RPE: variants seen among roughly 807,000 people sequenced by gnomAD.
RPE encodes the protein ribulose-5-phosphate-3-epimerase.
In RPE, 16 loss-of-function variants were observed where a neutral mutation model predicts 24.6. That is an observed-to-expected ratio of 0.65 (90% CI 0.44 to 0.99). The LOEUF is 0.99. RPE is among the 50% of genes least tolerant of loss of function. RPE has a pLI of 0.00. For synonymous variants in RPE, 93 were observed against 98.4 expected, an observed-to-expected ratio of 0.94 and a Z score of 0.33; for missense variants, 240 against 294.5, an observed-to-expected ratio of 0.81 and a Z score of 1.35.
intron 1 of RPE, among the ~76,000 whole-genome samples, chr2:210,008,300 T>G (rs900217020): frequency 1.1e-3 from 172 of 150,152 alleles, no homozygotes; most frequent in East Asian, 5.6e-3. Flanking sequence ...TTGTTTTTTT[T>G]TTTTTTTTTT....
rs2093859131 is a variant in RPE, at chr2:210,021,730, A to G, written c.*1939A>G. The G allele has an allele frequency of 6.6e-6, 1 of 152,302 alleles. No homozygotes were observed. Among genetic ancestry groups the G allele is most frequent in the Non-Finnish European group, 1.5e-5 (1 of 67,966 alleles). The allele number at this position is 152,302 out of a possible 1,614,324, so 9.4% of individuals were successfully genotyped here. A position where few individuals can be genotyped will look rare whatever the true frequency, so the allele number is the denominator to read the frequency against. On this transcript the variant is annotated 3_prime_UTR_variant, in exon 6 of 6. Transcript: ENST00000359429. ...GTACAACTTGAGTAACCTTTTTTACATGACAAAAAGTGAGTTATATAAATT... is the reference window on the plus strand; with the variant it reads ...GTACAACTTGAGTAACCTTTTTTACGTGACAAAAAGTGAGTTATATAAATT...
In RPE at chr2:210,003,423, C is replaced by T. The variant is rs914398527; in HGVS notation, c.122+640C>T. The T allele has an allele frequency of 1.0e-5, 13 of 1,283,470 alleles. No homozygotes were observed. In the Admixed American group the frequency reaches 2.8e-4, roughly 27 times the overall value. 79.5% of individuals were successfully genotyped at this position (1,283,470 alleles called of 1,614,324 possible). A position where few individuals can be genotyped will look rare whatever the true frequency, so the allele number is the denominator to read the frequency against. On this transcript the variant is annotated intron_variant, in intron 1 of 5. Coordinates refer to ENST00000359429, the MANE Select transcript of RPE (RefSeq NM_199229.3). ...ATTATTACAATTCTGATTTTCCTGT[C>T]TATTTTCTCTTCAGGCACCCTGCTC...
intron 3 of RPE, 151 bp downstream of exon 3, chr2:210,016,263 GA>G: frequency 2.5e-6 from 4 of 1,613,908 alleles, no homozygotes; most frequent in Non-Finnish European, 3.4e-6. Context: ...TGCAGGTAAA[GA>G]ATACCTTACT....
Position 210,002,676 on chromosome 2 carries a change from C to T in RPE, c.15C>T (p.Cys5=), listed in dbSNP as rs373698391. MASG[C]KIGPSILNSD... is the part of the protein sequence containing the mutation. Reference sequence around the variant, plus strand: ...GAGCCAGCGGTATGGCGTCGGGCTGCAAGATTGGCCCGTCCATCCTCAACA... The same window carrying T: ...GAGCCAGCGGTATGGCGTCGGGCTGTAAGATTGGCCCGTCCATCCTCAACA... The change falls in exon 1 of 6, where the codon TGC becomes TGT. Residue 5 remains cysteine (C), a synonymous_variant. Transcript: ENST00000359429. The T allele has an allele frequency of 2.5e-6, 4 of 1,613,346 alleles. No homozygotes were observed. The highest frequency in any genetic ancestry group is 3.3e-5 in the Admixed American group (2 of 59,962).
chr2:210,004,591 T>A (rs186445606), intron 1 of RPE, among the ~76,000 whole-genome samples: 46 of 152,310 alleles, frequency 3.0e-4, no homozygotes, highest in Non-Finnish European at 4.7e-4. Context: ...AACTAATAAT[T>A]TGTGTATTTA....
chr2:210,012,952 GACAA>G (rs1402681995), intron 2 of RPE, among the ~76,000 whole-genome samples: 1 of 152,154 alleles, frequency 6.6e-6, no homozygotes, highest in East Asian at 1.9e-4. Context: ...CAAAATACAA[GACAA>G]ACAATGGGTT....
At chr2:210,013,202 TACAGA>T (rs1039648497) in intron 2 of RPE, among the ~76,000 whole-genome samples, 2 of 152,096 alleles carry the variant, frequency 1.3e-5, no homozygotes, top group African/African-American at 4.8e-5. Flanking sequence ...ACAGATTAGA[TACAGA>T]ACAGATGTGA....
chr2:210,015,014 G>A (rs1039191480), intron 2 of RPE, among the ~76,000 whole-genome samples: 1 of 152,134 alleles, frequency 6.6e-6, no homozygotes, highest in African/African-American at 2.4e-5. Context: ...TATGAATCAA[G>A]CTTTAGAATT....
intron 2 of RPE, among the ~76,000 whole-genome samples, chr2:210,015,147 C>T (rs1035111236): frequency 6.6e-5 from 10 of 152,120 alleles, no homozygotes; most frequent in African/African-American, 2.4e-4. Context: ...TCCTTGATGC[C>T]ATCTTTATTT....
Position 210,016,215 on chromosome 2 carries a change from C to T in RPE, c.342+103C>T, listed in dbSNP as rs1345295130. The stretch of plus-strand genomic sequence containing the variant: ...TTTTTTTGATACAGTCTTGCTCTGT[C>T]ACCCAGGCTGAAGTGCAGTGGCACA... On this transcript the variant is annotated intron_variant, in intron 3 of 5. Coordinates refer to ENST00000359429, the MANE Select transcript of RPE (RefSeq NM_199229.3). 6.2e-6 allele frequency: 10 copies of T among 1,613,810 alleles called. No homozygotes were observed. The South Asian group carries it at 8.8e-5, about 14-fold the overall frequency.
intron 2 of RPE, 90 bp from the exon 3 acceptor site, chr2:210,015,883 C>G: frequency 2.2e-6 from 3 of 1,382,390 alleles, no homozygotes; most frequent in Non-Finnish European, 3.0e-6. Flanking sequence ...GAGTTCTTAT[C>G]AGAAGTGGCA....
intron 2 of RPE, among the ~76,000 whole-genome samples, chr2:210,013,894 A>G (rs910645564): frequency 2.6e-5 from 4 of 152,142 alleles, no homozygotes; most frequent in South Asian, 2.1e-4. Context: ...ATAGATTATG[A>G]TTATAATAGA....
At chr2:210,015,585 T>C (rs1327221797) in intron 2 of RPE, among the ~76,000 whole-genome samples, 1 of 152,236 alleles carries the variant, frequency 6.6e-6, no homozygotes, top group Non-Finnish European at 1.5e-5. Context: ...AATAGCTCGA[T>C]AAATTGAAAG....
chr2:210,003,411 T>G (rs1315974749), intron 1 of RPE: 3 of 1,273,664 alleles, frequency 2.4e-6, no homozygotes, highest in South Asian at 2.5e-5. Context: ...ATTACAATTC[T>G]GATTTTCCTG....
Position 210,019,665 on chromosome 2 carries a change from C to CTT in RPE, c.565-4_565-3insTT. 6.2e-7 allele frequency: 1 copy of CTT among 1,611,324 alleles called. No homozygotes were observed. Among genetic ancestry groups the CTT allele is most frequent in the Non-Finnish European group, 8.5e-7 (1 of 1,178,514 alleles). On this transcript the variant is annotated splice_polypyrimidine_tract_variant and splice_region_variant and intron_variant, in intron 5 of 5. Transcript: ENST00000359429. The stretch of plus-strand genomic sequence containing the variant: ...GGCATAACCTAACTGTTTACTTCTT[C>CTT]CAGGCAGGAGCTAACATGATTGTGT...
In RPE at chr2:210,016,127, T is replaced by C. The variant is rs745446436; in HGVS notation, c.342+15T>C. ...ATGGGATGAAGGTAAGAAATCGTGATGAGAGTGTTTTGTAACATTCACTCT... is the reference window on the plus strand; with the variant it reads ...ATGGGATGAAGGTAAGAAATCGTGACGAGAGTGTTTTGTAACATTCACTCT... On this transcript the variant is annotated intron_variant, in intron 3 of 5. Coordinates refer to ENST00000359429, the MANE Select transcript of RPE (RefSeq NM_199229.3). 1 of 1,614,206 alleles carries C rather than the reference T, an allele frequency of 6.2e-7. No homozygotes were observed. Among genetic ancestry groups the C allele is most frequent in the East Asian group, 2.2e-5 (1 of 44,890 alleles).
In RPE at chr2:210,009,991, G is replaced by GTTT. The variant is rs2093679916; in HGVS notation, c.202+255_202+256insTTT. On this transcript the variant is annotated intron_variant, in intron 2 of 5. Coordinates refer to ENST00000359429, the MANE Select transcript of RPE (RefSeq NM_199229.3). ...AGTCATTTGTCATTTCCTCAGAGAG[G>GTTT]CCTTTTTGAGCGTCCTCTCCCAAAT... is the stretch of plus-strand genomic sequence containing the variant. Among the ~76,000 whole-genome samples the GTTT allele has an allele frequency of 6.6e-5, 10 of 152,252 alleles. No homozygotes were observed. The South Asian group carries it at 1.9e-3, about 28-fold the overall frequency.
chr2:210,015,786 T>C (rs1247072900), intron 2 of RPE, among the ~76,000 whole-genome samples, 187 bp from the exon 3 acceptor site: 1 of 152,202 alleles, frequency 6.6e-6, no homozygotes, highest in Non-Finnish European at 1.5e-5. Flanking sequence ...TGTAAATGAA[T>C]TTAAATAAAT....
chr2:210,017,444 GTTAC>G (rs1046019201), intron 4 of RPE, 25 bp from the exon 5 acceptor site: 5 of 1,282,426 alleles, frequency 3.9e-6, no homozygotes, highest in African/African-American at 3.3e-5. Context: ...CACTTTAGGA[GTTAC>G]TTATTTCCTC....
Sources: gnomAD v4.1 joint callset for allele counts (sites outside exome capture counted in the v4.1 genomes callset) on GRCh38, gnomAD v4.1.1 for gene constraint, MANE v1.5 for transcripts, NCBI Gene and HGNC (gene_info 2026-07-23, HGNC 2026-07-21) for gene names.